The following ULBP1 variants were observed in gnomAD, a reference collection of about 807,000 sequenced individuals.
ULBP1 encodes UL16-binding protein 1.
In ULBP1, 28 loss-of-function variants were observed where a neutral mutation model predicts 25.3. That is an observed-to-expected ratio of 1.10 (90% CI 0.82 to 1.51). The LOEUF is 1.51. Among genes scored for constraint, ULBP1 ranks in the 40% most tolerant of loss-of-function variants. The probability of loss-of-function intolerance (pLI) is 0.00; values close to 1 mark genes in which losing one functional copy is unlikely to be tolerated. For missense variants in ULBP1, 348 were observed against 290.9 expected (o/e 1.20, Z -1.43); for synonymous variants, 129 against 103.0 (o/e 1.25, Z -1.53).
At position 149,969,996 on chromosome 6, in the gene ULBP1, C is replaced by G; in HGVS notation, c.626-20C>G. ...TTTTGAGCCTGGACAAGGGTTGTCACTCCTGTGTTTCCATTTCAGAACCAC... is the reference window on the plus strand; with the variant it reads ...TTTTGAGCCTGGACAAGGGTTGTCAGTCCTGTGTTTCCATTTCAGAACCAC... On this transcript the variant is annotated intron_variant, in intron 3 of 4. Transcript: ENST00000229708. The G allele has an allele frequency of 1.2e-6, 2 of 1,601,016 alleles. No individual in the cohort carries two copies. The highest frequency in any genetic ancestry group is 1.7e-6 in the Non-Finnish European group (2 of 1,173,564).
intron 1 of ULBP1, among the ~76,000 whole-genome samples, chr6:149,966,619 C>T (rs904705589): frequency 1.3e-5 from 2 of 152,152 alleles, no homozygotes; most frequent in Admixed American, 6.5e-5. Flanking sequence ...TGTGGCCCTG[C>T]TCCTGCCCAT....
chr6:149,967,845 C>T (rs927229913), intron 1 of ULBP1, among the ~76,000 whole-genome samples: 2 of 152,162 alleles, frequency 1.3e-5, no homozygotes, highest in South Asian at 2.1e-4. Context: ...AACAGGCATT[C>T]CTGGGCTTCT....
rs62441827 is a variant in ULBP1, at chr6:149,963,992, G to A, written c.-58G>A. 1 of 1,567,080 alleles carries A rather than the reference G, an allele frequency of 6.4e-7. No individual in the cohort carries two copies. The highest frequency in any genetic ancestry group is 1.7e-5 in the Admixed American group (1 of 59,072). On this transcript the variant is annotated 5_prime_UTR_variant, in exon 1 of 5. Transcript: ENST00000229708. ...GCTGGGCAGCTTTATAAACAGCCGT[G>A]GTGTGAGCCTCGAAGGGAACCATCA... is the stretch of plus-strand genomic sequence containing the variant.
chr6:149,968,968 A>T, intron 2 of ULBP1, 98 bp downstream of exon 2: 18 of 1,553,728 alleles, frequency 1.2e-5, no homozygotes, highest in South Asian at 1.0e-4. Context: ...GTCACCCAAG[A>T]GGTTGAGGAG....
At chr6:149,970,883 C>T (rs541314512) in intron 4 of ULBP1, among the ~76,000 whole-genome samples, 4 of 152,340 alleles carry the variant, frequency 2.6e-5, no homozygotes, top group African/African-American at 9.6e-5. Context: ...GTTCCATGCT[C>T]ACCACTGAAC....
In ULBP1 at chr6:149,969,176, G is replaced by T. The variant is rs371394950; in HGVS notation, c.441G>T (p.Lys147Asn). 1.6e-4 allele frequency: 252 copies of T among 1,614,244 alleles called. 1 individual carries two copies. In the South Asian group the frequency reaches 2.3e-3, roughly 15 times the overall value. The change falls in exon 3 of 5, where the codon AAG becomes AAT. Residue 147 changes from lysine to asparagine, a missense_variant. Physicochemically the swap from Lys to Asn is moderately conservative, Grantham distance 94. Transcript: ENST00000229708. ...GSWQFLFNGQ[K>N]FLLFDSNNRK... The stretch of plus-strand genomic sequence containing the variant: ...GGCAGTTCCTCTTCAATGGACAGAA[G>T]TTCCTCCTCTTTGACTCAAACAACA...
chr6:149,969,421 G>A (rs1221561761), intron 3 of ULBP1, 61 bp downstream of exon 3: 3 of 1,580,828 alleles, frequency 1.9e-6, no homozygotes, highest in Non-Finnish European at 2.6e-6. Flanking sequence ...GCTGGTGTAT[G>A]TGTGTGAGTG....
At chr6:149,964,164 C>T (rs1317223906) in intron 1 of ULBP1, 30 bp downstream of exon 1, 4 of 1,613,004 alleles carry the variant, frequency 2.5e-6, no homozygotes, top group Non-Finnish European at 3.4e-6. Flanking sequence ...CTAAGCAGGG[C>T]GGGGGCCAAA....
intron 1 of ULBP1, among the ~76,000 whole-genome samples, chr6:149,965,634 C>T (rs1447497071): frequency 6.6e-6 from 1 of 152,186 alleles, no homozygotes; most frequent in Non-Finnish European, 1.5e-5. Flanking sequence ...CACAGCCCTG[C>T]TCTGCTCTGA....
At position 149,972,895 on chromosome 6, in the gene ULBP1, A is replaced by T. The variant is rs190893628; in HGVS notation, c.*1549A>T. The T allele has an allele frequency of 1.1e-3, 169 of 152,382 alleles. No individual in the cohort carries two copies. The highest frequency in any genetic ancestry group is 3.9e-3 in the African/African-American group (161 of 41,590). The allele number at this position is 152,382 out of a possible 1,614,324, so 9.4% of individuals were successfully genotyped here. A position where few individuals can be genotyped will look rare whatever the true frequency, so the allele number is the denominator to read the frequency against. On this transcript the variant is annotated 3_prime_UTR_variant, in exon 5 of 5. Transcript: ENST00000229708. ...TGTTGGTGGGAAAGCAAACTTGTTC[A>T]GCCACTATGGAAAGCAGTTTGGAGA...
intron 1 of ULBP1, among the ~76,000 whole-genome samples, chr6:149,967,855 T>C (rs534796697): frequency 2.1e-4 from 32 of 152,168 alleles, no homozygotes; most frequent in Non-Finnish European, 4.1e-4. Context: ...CCTGGGCTTC[T>C]TGATAGTCTG....
chr6:149,967,515 T>A (rs115095719), intron 1 of ULBP1, among the ~76,000 whole-genome samples: 39 of 152,334 alleles, frequency 2.6e-4, no homozygotes, highest in African/African-American at 9.1e-4. Flanking sequence ...GGGTGACTCC[T>A]TTCAGCCTTC....
chr6:149,972,668 G>A lies in ULBP1; in HGVS notation c.*1322G>A, dbSNP rs564041094. 2.6e-5 allele frequency: 4 copies of A among 152,162 alleles called. No individual in the cohort carries two copies. In the East Asian group the frequency reaches 7.7e-4, roughly 29 times the overall value. 9.4% of individuals were successfully genotyped at this position (152,162 alleles called of 1,614,324 possible). ...ACTTAAACAATTCAACAAGCAAGAA[G>A]AAAAAACCCAATTAAAATTGGGCAA... On this transcript the variant is annotated 3_prime_UTR_variant, in exon 5 of 5. Coordinates refer to ENST00000229708, the MANE Select transcript of ULBP1 (RefSeq NM_025218.4).
chr6:149,968,836 G>A lies in ULBP1; in HGVS notation c.315G>A (p.Leu105=), dbSNP rs1779253734. The change falls in exon 2 of 5, where the codon CTG becomes CTA. Residue 105 remains leucine, a synonymous_variant. Transcript: ENST00000229708. ...RDVVDFLKGQ[L]LDIQVENLIP... ...TGGTGGATTTCCTTAAAGGGCAACT[G>A]CTTGACATTCAAGTGGAGAATTTAA... is the stretch of plus-strand genomic sequence containing the variant. 3 of 1,614,194 alleles carry A rather than the reference G, an allele frequency of 1.9e-6. No homozygotes were observed. The highest frequency in any genetic ancestry group is 2.5e-6 in the Non-Finnish European group (3 of 1,180,018).
intron 1 of ULBP1, among the ~76,000 whole-genome samples, chr6:149,966,668 A>T (rs1354420117): frequency 6.6e-6 from 1 of 152,016 alleles, no homozygotes; most frequent in Non-Finnish European, 1.5e-5. Flanking sequence ...TGTGGGGCCT[A>T]TATTCCTAAT....
In ULBP1 at chr6:149,972,656, A is replaced by G. The variant is rs1482111550; in HGVS notation, c.*1310A>G. On this transcript the variant is annotated 3_prime_UTR_variant, in exon 5 of 5. Transcript: ENST00000229708. ...AATCTACAAGGAACTTAAACAATTC[A>G]ACAAGCAAGAAGAAAAAACCCAATT... 6.6e-6 allele frequency: 1 copy of G among 152,234 alleles called. No individual in the cohort carries two copies. Among genetic ancestry groups the G allele is most frequent in the East Asian group, 1.9e-4 (1 of 5,202 alleles). 9.4% of individuals were successfully genotyped at this position (152,234 alleles called of 1,614,324 possible).
At chr6:149,965,809 C>A (rs1779194681) in intron 1 of ULBP1, among the ~76,000 whole-genome samples, 1 of 152,142 alleles carries the variant, frequency 6.6e-6, no homozygotes, top group African/African-American at 2.4e-5. Context: ...CATCCTTTCA[C>A]TCCCCATCTC....
intron 1 of ULBP1, among the ~76,000 whole-genome samples, chr6:149,967,354 G>C (rs530847199): frequency 6.6e-6 from 1 of 152,196 alleles, no homozygotes; most frequent in Non-Finnish European, 1.5e-5. Flanking sequence ...TGCCCATCTG[G>C]CTCTCTGGGG....
chr6:149,968,960 C>T lies in ULBP1; in HGVS notation c.349+90C>T, dbSNP rs963438277. ...TGAAAAATAAATCAGAAGTTTGTGT[C>T]ACCCAAGAGGTTGAGGAGCATGGGC... On this transcript the variant is annotated intron_variant, in intron 2 of 4. Transcript: ENST00000229708. The T allele has an allele frequency of 2.6e-6, 4 of 1,553,818 alleles. No individual in the cohort carries two copies. The African/African-American group carries it at 5.5e-5, about 21-fold the overall frequency.
Sources: allele counts gnomAD v4.1 joint callset (sites outside exome capture counted in the v4.1 genomes callset), GRCh38; gene constraint gnomAD v4.1.1; transcripts MANE v1.5; gene names NCBI Gene and HGNC (gene_info 2026-07-23, HGNC 2026-07-21).